Variants in NPFFR2 observed in about 807,000 individuals in gnomAD.
The protein encoded by NPFFR2 is G-protein coupled receptor 74.
A neutral mutation model predicts 13.1 loss-of-function variants in NPFFR2; 15 were observed. The ratio of observed to expected loss-of-function variants is 1.15; its 90% CI spans 0.77 to 1.76. The LOEUF is 1.76. Among genes scored for constraint, NPFFR2 ranks in the 40% most tolerant of loss-of-function variants. NPFFR2 has a pLI of 0.00. For missense variants in NPFFR2, 572 were observed against 503.5 expected, an observed-to-expected ratio of 1.14 and a Z score of -1.30; for synonymous variants, 190 against 175.7, an observed-to-expected ratio of 1.08 and a Z score of -0.65.
intron 1 of NPFFR2, among the ~76,000 whole-genome samples, chr4:72,085,298 A>G (rs1235989981): frequency 2.0e-5 from 3 of 152,164 alleles, no homozygotes; most frequent in African/African-American, 4.8e-5. Context: ...AGCAGTGTCA[A>G]AATCCTGTGA....
At chr4:72,141,713 G>A (rs1322939739) in intron 3 of NPFFR2, among the ~76,000 whole-genome samples, 1 of 152,136 alleles carries the variant, frequency 6.6e-6, no homozygotes, top group African/African-American at 2.4e-5. Flanking sequence ...GTGTGATGTG[G>A]TGCTGAGAAG....
intron 2 of NPFFR2, among the ~76,000 whole-genome samples, chr4:72,136,701 C>G (rs1722427037): frequency 6.6e-6 from 1 of 152,158 alleles, no homozygotes; most frequent in Non-Finnish European, 1.5e-5. Flanking sequence ...TTCGCTTAAT[C>G]CTTCTGCATC....
intron 1 of NPFFR2, among the ~76,000 whole-genome samples, chr4:72,033,338 T>A (rs187438022): frequency 3.3e-5 from 5 of 152,342 alleles, no homozygotes; most frequent in Admixed American, 3.3e-4. Context: ...TAAAAACTTC[T>A]ATAGATCGAT....
chr4:72,085,556 A>G (rs1720744093), intron 1 of NPFFR2, among the ~76,000 whole-genome samples: 1 of 152,104 alleles, frequency 6.6e-6, no homozygotes, highest in African/African-American at 2.4e-5. Flanking sequence ...TTCATTTCAG[A>G]GTTGTTTCTG....
At chr4:72,105,084 T>C (rs1005326118) in intron 1 of NPFFR2, among the ~76,000 whole-genome samples, 2 of 151,584 alleles carry the variant, frequency 1.3e-5, no homozygotes, top group African/African-American at 4.8e-5. Context: ...ATTTACCAAC[T>C]TTGATTTTTC....
chr4:72,094,493 C>A (rs4642217), intron 1 of NPFFR2, among the ~76,000 whole-genome samples: 4 of 152,176 alleles, frequency 2.6e-5, no homozygotes, highest in African/African-American at 9.6e-5. Context: ...GTTAGGAGCT[C>A]AGACTCTCCT....
chr4:72,145,265 ATT>A lies in NPFFR2; in HGVS notation c.429-1712_429-1711del, dbSNP rs759010880. On this transcript the variant is annotated intron_variant, in intron 3 of 3. Transcript: ENST00000308744. ...ATTAAACAAATATGTAAGTACATAT[ATT>A]GTTATAAATATAAATATATAAATAC... 2.3e-4 allele frequency among the ~76,000 whole-genome samples: 34 copies of A among 148,508 alleles called. No individual in the cohort carries two copies. The South Asian group carries it at 6.7e-3, about 29-fold the overall frequency.
At chr4:72,099,316 A>G (rs192616893) in intron 1 of NPFFR2, among the ~76,000 whole-genome samples, 1 of 152,346 alleles carries the variant, frequency 6.6e-6, no homozygotes, top group Admixed American at 6.5e-5. Flanking sequence ...TAAGAGATAA[A>G]GAATGAAGTT....
chr4:72,108,275 A>G (rs1478922348), intron 1 of NPFFR2, among the ~76,000 whole-genome samples: 1 of 152,076 alleles, frequency 6.6e-6, no homozygotes, highest in African/African-American at 2.4e-5. Flanking sequence ...GGGATAGCCT[A>G]TTAAAGAATT....
At chr4:72,132,690 TCTGA>T (rs1414625957) in intron 2 of NPFFR2, among the ~76,000 whole-genome samples, 3 of 152,342 alleles carry the variant, frequency 2.0e-5, no homozygotes, top group Admixed American at 6.5e-5. Flanking sequence ...TAGTAGCCAC[TCTGA>T]CTGGTGTGGG....
chr4:72,069,131 C>A, intron 1 of NPFFR2: 1 of 419,402 alleles, frequency 2.4e-6, no homozygotes. Context: ...TAATGCTAAG[C>A]CTTATAAAGA....
At chr4:72,036,136 TTGAGTATGC>T (rs763739714) in intron 1 of NPFFR2, among the ~76,000 whole-genome samples, 1 of 152,182 alleles carries the variant, frequency 6.6e-6, no homozygotes. Flanking sequence ...ATTTTAGAAA[TTGAGTATGC>T]TTACAATCCC....
intron 1 of NPFFR2, among the ~76,000 whole-genome samples, chr4:72,073,067 G>T (rs527754522): frequency 5.9e-5 from 9 of 152,082 alleles, no homozygotes; most frequent in African/African-American, 1.9e-4. Context: ...CCATCTACAA[G>T]AGACTCATTT....
intron 1 of NPFFR2, among the ~76,000 whole-genome samples, chr4:72,051,722 G>A (rs1719589126): frequency 6.6e-6 from 1 of 151,976 alleles, no homozygotes; most frequent in Admixed American, 6.6e-5. Context: ...TCTTTGAAAG[G>A]ATCAACAAAA....
intron 1 of NPFFR2, among the ~76,000 whole-genome samples, chr4:72,113,060 CA>C (rs1721611803): frequency 6.6e-6 from 1 of 151,994 alleles, no homozygotes; most frequent in Non-Finnish European, 1.5e-5. Context: ...TGAAAATTTA[CA>C]CAGAATATCC....
intron 1 of NPFFR2, among the ~76,000 whole-genome samples, chr4:72,111,676 A>T (rs1318607016): frequency 6.6e-6 from 1 of 152,038 alleles, no homozygotes; most frequent in African/African-American, 2.4e-5. Context: ...ACCGTTCAGC[A>T]TGGCCAGTTA....
At chr4:72,122,619 C>T (rs1350574258) in intron 1 of NPFFR2, among the ~76,000 whole-genome samples, 2 of 152,180 alleles carry the variant, frequency 1.3e-5, no homozygotes, top group African/African-American at 2.4e-5. Flanking sequence ...TGCACAACTA[C>T]ATAGAAACCG....
At chr4:72,121,122 A>G (rs900707841) in intron 1 of NPFFR2, among the ~76,000 whole-genome samples, 2 of 151,998 alleles carry the variant, frequency 1.3e-5, no homozygotes, top group Non-Finnish European at 2.9e-5. Context: ...ATCAATAGCC[A>G]AATCGATCAA....
chr4:72,073,485 T>G (rs1720326276), intron 1 of NPFFR2, among the ~76,000 whole-genome samples: 1 of 152,014 alleles, frequency 6.6e-6, no homozygotes, highest in Admixed American at 6.6e-5. Flanking sequence ...TCAATAAAGG[T>G]GAATACATAT....
Sources: allele counts gnomAD v4.1 joint callset (sites outside exome capture counted in the v4.1 genomes callset), GRCh38; gene constraint gnomAD v4.1.1; transcripts MANE v1.5; gene names NCBI Gene and HGNC (gene_info 2026-07-23, HGNC 2026-07-21).